RSRC1: variants seen among roughly 807,000 people sequenced by gnomAD.
The protein encoded by RSRC1 is arginine and serine rich coiled-coil 1.
In RSRC1, 39 loss-of-function variants were observed where a neutral mutation model predicts 49.1. The observed-to-expected ratio is 0.79, with a 90% CI of 0.61 to 1.04. RSRC1 has a LOEUF of 1.04. Ranked by LOEUF, RSRC1 falls within the 50% of genes least tolerant of loss-of-function variation. RSRC1 has a pLI of 0.00. For missense variants in RSRC1, 388 were observed against 402.4 expected (o/e 0.96, Z 0.31); for synonymous variants, 143 against 130.8 (o/e 1.09, Z -0.63).
chr3:158,211,703 T>C (rs1249260918), intron 4 of RSRC1, among the ~76,000 whole-genome samples: 2 of 152,062 alleles, frequency 1.3e-5, no homozygotes, highest in Admixed American at 1.3e-4. Flanking sequence ...AGTAACTTTT[T>C]TGAACTTTAA....
At chr3:158,440,444 T>G (rs998944798) in intron 6 of RSRC1, among the ~76,000 whole-genome samples, 2 of 152,096 alleles carry the variant, frequency 1.3e-5, no homozygotes, top group Non-Finnish European at 2.9e-5. Flanking sequence ...CTCCAGGGGA[T>G]CTTTGGACAA....
rs372511309 is a variant in RSRC1, at chr3:158,448,487, G to T, written c.584-12448G>T. Among the ~76,000 whole-genome samples, 4 of 151,930 alleles carry T rather than the reference G, an allele frequency of 2.6e-5. No individual in the cohort carries two copies. The South Asian group carries it at 6.2e-4, about 24-fold the overall frequency. ...AAAAGGCTTATACAAAAGGCTGTAA[G>T]ACCTTACGCATTTAAAAAAACTATC... is the stretch of plus-strand genomic sequence containing the variant. On this transcript the variant is annotated intron_variant, in intron 6 of 9. Coordinates refer to ENST00000611884, the MANE Select transcript of RSRC1 (RefSeq NM_001271838.2).
At chr3:158,193,342 G>GTA (rs1720350968) in intron 3 of RSRC1, among the ~76,000 whole-genome samples, 1 of 152,008 alleles carries the variant, frequency 6.6e-6, no homozygotes, top group Admixed American at 6.6e-5. Context: ...ACCACAAATG[G>GTA]TAGTATATTT....
intron 4 of RSRC1, among the ~76,000 whole-genome samples, chr3:158,230,403 A>T (rs113133322): frequency 6.6e-6 from 1 of 152,110 alleles, no homozygotes; most frequent in African/African-American, 2.4e-5. Flanking sequence ...TATAGTGGTA[A>T]TATTTCTAAA....
intron 7 of RSRC1, among the ~76,000 whole-genome samples, chr3:158,515,981 A>C (rs1448828213): frequency 2.0e-5 from 3 of 151,208 alleles, no homozygotes; most frequent in African/African-American, 7.3e-5. Flanking sequence ...TGTATTGGTT[A>C]TTCTAGTTAT....
chr3:158,187,866 C>T (rs827159), intron 3 of RSRC1, among the ~76,000 whole-genome samples: 87,923 of 151,778 alleles, frequency 0.58, 25,775 homozygotes, highest in East Asian at 0.73. Flanking sequence ...ATGGATTAGA[C>T]TGAAAAACTG....
chr3:158,435,179 T>A (rs1215439776), intron 6 of RSRC1, among the ~76,000 whole-genome samples: 2 of 151,904 alleles, frequency 1.3e-5, no homozygotes, highest in Admixed American at 6.6e-5. Flanking sequence ...TCTATTTTTT[T>A]AAAATTTGTG....
At chr3:158,134,599 C>T (rs1330530200) in intron 3 of RSRC1, among the ~76,000 whole-genome samples, 1 of 151,988 alleles carries the variant, frequency 6.6e-6, no homozygotes, top group East Asian at 1.9e-4. Flanking sequence ...CTGTTATATA[C>T]TGAATATTCT....
intron 4 of RSRC1, among the ~76,000 whole-genome samples, chr3:158,294,241 TTC>T (rs1415884383): frequency 1.3e-5 from 2 of 152,116 alleles, no homozygotes; most frequent in Non-Finnish European, 2.9e-5. Context: ...GCAATAGTTC[TTC>T]TACCCAGTTT....
In RSRC1 at chr3:158,328,285, C is replaced by A. The variant is rs542844629; in HGVS notation, c.532-26572C>A. Among the ~76,000 whole-genome samples the A allele has an allele frequency of 3.9e-5, 6 of 152,278 alleles. No individual in the cohort carries two copies. The South Asian group carries it at 1.2e-3, about 32-fold the overall frequency. Reference sequence around the variant, plus strand: ...TTTGATCCTGTCATTATGATGTTAGCTGCTTATTTTGCTGATTAGTTGATG... The same window carrying A: ...TTTGATCCTGTCATTATGATGTTAGATGCTTATTTTGCTGATTAGTTGATG... On this transcript the variant is annotated intron_variant, in intron 5 of 9. Coordinates refer to ENST00000611884, the MANE Select transcript of RSRC1 (RefSeq NM_001271838.2).
At chr3:158,190,159 T>G (rs191239084) in intron 3 of RSRC1, among the ~76,000 whole-genome samples, 3 of 152,142 alleles carry the variant, frequency 2.0e-5, no homozygotes, top group Admixed American at 1.3e-4. Context: ...GTTAGTGACT[T>G]AATCAGAATA....
At chr3:158,317,223 T>TTTTG (rs746121288) in intron 5 of RSRC1, among the ~76,000 whole-genome samples, 1 of 152,114 alleles carries the variant, frequency 6.6e-6, no homozygotes, top group Non-Finnish European at 1.5e-5. Flanking sequence ...TACTTAGGTA[T>TTTTG]TTTGTTTGTT....
At chr3:158,448,095 G>A (rs1438055186) in intron 6 of RSRC1, among the ~76,000 whole-genome samples, 1 of 151,802 alleles carries the variant, frequency 6.6e-6, no homozygotes, top group African/African-American at 2.4e-5. Context: ...TGAAACATCT[G>A]TCTTGGAATG....
intron 7 of RSRC1, among the ~76,000 whole-genome samples, chr3:158,532,660 G>A (rs1055969093): frequency 6.6e-5 from 10 of 151,586 alleles, no homozygotes; most frequent in South Asian, 2.1e-4. Context: ...TAATGACTTG[G>A]CTTTCTGAGT....
At chr3:158,192,562 A>G (rs914369287) in intron 3 of RSRC1, among the ~76,000 whole-genome samples, 2 of 152,050 alleles carry the variant, frequency 1.3e-5, no homozygotes, top group African/African-American at 4.8e-5. Flanking sequence ...AGTACTTGAT[A>G]GAAGACCTCA....
chr3:158,506,012 G>A (rs1463654267), intron 7 of RSRC1, among the ~76,000 whole-genome samples: 1 of 152,044 alleles, frequency 6.6e-6, no homozygotes, highest in Non-Finnish European at 1.5e-5. Flanking sequence ...AGCACTACTG[G>A]GGAAATACTA....
chr3:158,151,320 G>T (rs1717524480), intron 3 of RSRC1, among the ~76,000 whole-genome samples: 1 of 151,120 alleles, frequency 6.6e-6, no homozygotes. Flanking sequence ...CAGCTGGGGG[G>T]AATTTAGCAA....
At chr3:158,370,613 T>G (rs1732015753) in intron 6 of RSRC1, among the ~76,000 whole-genome samples, 1 of 151,938 alleles carries the variant, frequency 6.6e-6, no homozygotes, top group Non-Finnish European at 1.5e-5. Flanking sequence ...GAATAGTATT[T>G]CATTGTCTGG....
chr3:158,385,534 T>A (rs1002568777), intron 6 of RSRC1, among the ~76,000 whole-genome samples: 7 of 152,160 alleles, frequency 4.6e-5, no homozygotes, highest in African/African-American at 1.7e-4. Context: ...TTATAAATCA[T>A]ATGCATTAAC....
Sources: allele counts gnomAD v4.1 joint callset (sites outside exome capture counted in the v4.1 genomes callset), GRCh38; gene constraint gnomAD v4.1.1; transcripts MANE v1.5; gene names NCBI Gene and HGNC (gene_info 2026-07-23, HGNC 2026-07-21).